The following NIPAL3 variants were observed in gnomAD, a reference collection of about 807,000 sequenced individuals.
The protein encoded by NIPAL3 is NIPA-like protein 3.
A neutral mutation model predicts 47.2 loss-of-function variants in NIPAL3; 41 were observed. The ratio of observed to expected loss-of-function variants is 0.87; its 90% CI spans 0.68 to 1.13. NIPAL3 has a LOEUF of 1.13. Ranked by LOEUF, NIPAL3 falls within the 50% of genes most tolerant of loss-of-function variation. NIPAL3 has a pLI of 0.00. For missense variants in NIPAL3, 449 were observed against 530.1 expected (o/e 0.85, Z 1.50); for synonymous variants, 194 against 209.6 (o/e 0.93, Z 0.64).
At chr1:24,425,706 G>A (rs1189583535) in intron 2 of NIPAL3, among the ~76,000 whole-genome samples, 1 of 152,116 alleles carries the variant, frequency 6.6e-6, no homozygotes, top group Non-Finnish European at 1.5e-5. Flanking sequence ...TTATTTTCTA[G>A]CATTATAACT....
In NIPAL3 at chr1:24,458,936, T is replaced by C; in HGVS notation, c.822T>C (p.Ser274=). The change falls in exon 9 of 12, where the codon AGT becomes AGC. Residue 274 remains serine (S), a synonymous_variant. Transcript: ENST00000374399. Reference sequence around the variant, plus strand: ...TGTACGACTCCTCTTTGATTGCCAGTGTGGGCTACATTCTGTCCACAACCA... The same window carrying C: ...TGTACGACTCCTCTTTGATTGCCAGCGTGGGCTACATTCTGTCCACAACCA... ...SQMYDSSLIA[S]VGYILSTTIA... 1 of 1,614,108 alleles carries C rather than the reference T, an allele frequency of 6.2e-7. No homozygotes were observed. Among genetic ancestry groups the C allele is most frequent in the Non-Finnish European group, 8.5e-7 (1 of 1,179,964 alleles).
chr1:24,425,519 C>T (rs1024409316), intron 2 of NIPAL3, among the ~76,000 whole-genome samples: 4 of 152,094 alleles, frequency 2.6e-5, no homozygotes, highest in Non-Finnish European at 5.9e-5. Context: ...CCCCTCAAGA[C>T]AGAATTCGAC....
rs1646037811 is a variant in NIPAL3 at position 24,453,422 on chromosome 1, T to C, written c.555T>C (p.Ile185=). Residue 185 remains isoleucine (I), a synonymous_variant, in exon 7 of 12, where the codon ATT becomes ATC. Transcript: ENST00000374399. Reference sequence around the variant, plus strand: ...GCCTTCCACAGCTGGTGGAGATCATTCTGTTCTGCTTGCTGCTCTACTTCT... The same window carrying C: ...GCCTTCCACAGCTGGTGGAGATCATCCTGTTCTGCTTGCTGCTCTACTTCT... ...PFLLYMLVEI[I]LFCLLLYFYK... The C allele has an allele frequency of 6.2e-7, 1 of 1,613,140 alleles. No individual in the cohort carries two copies. Among genetic ancestry groups the C allele is most frequent in the African/African-American group, 1.3e-5 (1 of 74,748 alleles).
chr1:24,449,497 C>A lies in NIPAL3; in HGVS notation c.411C>A (p.Ser137=), dbSNP rs756168351. ...PKDFLRRYVL[S]FVGCGLAVVG... is the part of the protein sequence containing the mutation. ...TCCCCGCAGGGCGCTACGTCTTGTC[C>A]TTTGTTGGCTGCGGTTTGGCTGTCG... The change falls in exon 6 of 12, where the codon TCC becomes TCA. Residue 137 remains serine, a synonymous_variant. Transcript: ENST00000374399. The surrounding 1 kb of genome is among the most constrained non-coding windows in gnomAD (Gnocchi z 4.5). The A allele has an allele frequency of 1.2e-6, 2 of 1,613,764 alleles. No homozygotes were observed. The highest frequency in any genetic ancestry group is 3.3e-5 in the Admixed American group (2 of 60,016).
chr1:24,440,918 C>T (rs1176286157), intron 3 of NIPAL3, among the ~76,000 whole-genome samples: 1 of 152,168 alleles, frequency 6.6e-6, no homozygotes, highest in Non-Finnish European at 1.5e-5. Flanking sequence ...CCCTGTGGGA[C>T]TGAGTCCCAG....
At chr1:24,465,888 T>G (rs1646677234) in intron 11 of NIPAL3, 1 of 1,375,970 alleles carries the variant, frequency 7.3e-7, no homozygotes, top group Admixed American at 3.1e-5. Flanking sequence ...TTTGACCTGG[T>G]GGCAGGTAGA....
intron 6 of NIPAL3, among the ~76,000 whole-genome samples, chr1:24,450,866 G>A (rs1471384464): frequency 6.6e-6 from 1 of 152,232 alleles, no homozygotes; most frequent in Non-Finnish European, 1.5e-5. Flanking sequence ...TTATCCACAA[G>A]GCAGAGGATC....
At chr1:24,415,986 T>C in intron 1 of NIPAL3, 82 bp downstream of exon 1, 1 of 985,144 alleles carries the variant, frequency 1.0e-6, no homozygotes, top group Non-Finnish European at 1.2e-6. Context: ...TCACCTAACG[T>C]CCCCTAGTGT....
intron 2 of NIPAL3, among the ~76,000 whole-genome samples, chr1:24,438,604 G>A (rs561199183): frequency 1.3e-5 from 2 of 152,200 alleles, no homozygotes; most frequent in Non-Finnish European, 2.9e-5. Flanking sequence ...GGGAAGCCTC[G>A]GCCAGCTCTG....
At chr1:24,431,186 G>A (rs1420917932) in intron 2 of NIPAL3, among the ~76,000 whole-genome samples, 1 of 152,136 alleles carries the variant, frequency 6.6e-6, no homozygotes, top group East Asian at 1.9e-4. Context: ...TTCTTGGGAT[G>A]GGCGTTACAG....
intron 2 of NIPAL3, among the ~76,000 whole-genome samples, chr1:24,439,256 A>G (rs1398681998): frequency 2.0e-5 from 3 of 152,262 alleles, no homozygotes; most frequent in Non-Finnish European, 4.4e-5. Flanking sequence ...AAGCAATGAT[A>G]TAAAATATGG....
chr1:24,465,815 C>A, intron 11 of NIPAL3: 2 of 738,444 alleles, frequency 2.7e-6, no homozygotes, highest in South Asian at 2.5e-5. Context: ...ATGGTAGATG[C>A]CTGGTTATAT....
At chr1:24,429,410 A>G (rs764075921) in intron 2 of NIPAL3, among the ~76,000 whole-genome samples, 14 of 152,212 alleles carry the variant, frequency 9.2e-5, no homozygotes, top group Non-Finnish European at 4.4e-5. Context: ...TGTTAACTGA[A>G]GCCCTTGGTA....
chr1:24,440,266 T>A, intron 3 of NIPAL3, 26 bp downstream of exon 3: 4 of 1,543,580 alleles, frequency 2.6e-6, no homozygotes, highest in Non-Finnish European at 3.5e-6. Flanking sequence ...CAGCACTGTC[T>A]GGGGACAGAG....
At chr1:24,463,687 A>C (rs1646573925) in intron 10 of NIPAL3, among the ~76,000 whole-genome samples, 1 of 152,206 alleles carries the variant, frequency 6.6e-6, no homozygotes, top group Admixed American at 6.5e-5. Context: ...GAATGACTTC[A>C]ATTTAAGAAA....
At chr1:24,440,445 G>A (rs1191325016) in intron 3 of NIPAL3, among the ~76,000 whole-genome samples, 2 of 152,144 alleles carry the variant, frequency 1.3e-5, no homozygotes, top group African/African-American at 2.4e-5. Flanking sequence ...TCCTAGCCAG[G>A]TCCTCACTGT....
chr1:24,419,811 C>T (rs1012459143), intron 2 of NIPAL3, 171 bp downstream of exon 2: 5 of 599,688 alleles, frequency 8.3e-6, no homozygotes, highest in South Asian at 1.9e-5. Context: ...AGAGATGGGC[C>T]GGGAGTGGTG....
intron 5 of NIPAL3, among the ~76,000 whole-genome samples, chr1:24,447,028 G>C (rs909181760): frequency 6.6e-6 from 1 of 152,192 alleles, no homozygotes; most frequent in Non-Finnish European, 1.5e-5. Context: ...TCTCGGTAAG[G>C]CTGTGTAGCC....
Position 24,449,595 on chromosome 1 carries a change from A to G in NIPAL3, c.509A>G (p.His170Arg), listed in dbSNP as rs1188778672. The part of the protein sequence containing the change: ...EKMTGENVTR[H>R]LVSWPFLLYM... ...ATGACAGGCGAGAATGTCACCAGGC[A>G]CCTCGTGAGCTGGCCTTTCCTTTTG... The change falls in exon 6 of 12, where the codon CAC (histidine) becomes CGC (arginine). Residue 170 changes from histidine (H) to arginine (R), a missense_variant. By Grantham distance (29) the His-to-Arg change is conservative. Transcript: ENST00000374399. This position sits in a 1 kb window ranked among gnomAD's most constrained non-coding sequence, Gnocchi z 4.5. The G allele has an allele frequency of 1.2e-6, 2 of 1,613,952 alleles. No homozygotes were observed. Among genetic ancestry groups the G allele is most frequent in the South Asian group, 2.2e-5 (2 of 91,072 alleles).
Sources: gnomAD v4.1 joint callset for allele counts (sites outside exome capture counted in the v4.1 genomes callset) on GRCh38, gnomAD v4.1.1 for gene constraint, Gnocchi (gnomAD v3.1) non-coding constraint, MANE v1.5 for transcripts, NCBI Gene and HGNC (gene_info 2026-07-23, HGNC 2026-07-21) for gene names.